UNC5D: variants seen among roughly 807,000 people sequenced by gnomAD.
UNC5D encodes the protein netrin receptor UNC5D.
UNC5D carries 39 observed loss-of-function variants against 105.4 expected under a neutral mutation model. The observed-to-expected ratio is 0.37, with a 90% confidence interval of 0.29 to 0.48. The LOEUF is 0.48. Ranked by LOEUF, UNC5D falls within the 20% of genes least tolerant of loss-of-function variation. The pLI is 0.98. For missense variants in UNC5D, 991 were observed against 1,202.4 expected (o/e 0.82, Z 2.60); for synonymous variants, 452 against 450.4 (o/e 1.00, Z -0.04).
At position 35,754,002 on chromosome 8, in the gene UNC5D, A is replaced by G. The variant is rs190018664; in HGVS notation, c.2163+3193A>G. 3.9e-5 allele frequency among the ~76,000 whole-genome samples: 6 copies of G among 152,352 alleles called. No individual in the cohort carries two copies. The East Asian group carries it at 1.2e-3, about 29-fold the overall frequency. On this transcript the variant is annotated intron_variant, in intron 13 of 16. Coordinates refer to ENST00000404895, the MANE Select transcript of UNC5D (RefSeq NM_080872.4). ...AGAGATTTATTTTGATCACCTGCAT[A>G]TCCCAAATCATTTCATAGTGTGATA...
intron 2 of UNC5D, among the ~76,000 whole-genome samples, chr8:35,554,130 T>C (rs1268752596): frequency 2.0e-5 from 3 of 152,204 alleles, no homozygotes; most frequent in East Asian, 3.8e-4. Flanking sequence ...ACAGAATCTT[T>C]CGTGTTCCTA....
At chr8:35,636,713 T>G (rs1822396419) in intron 4 of UNC5D, among the ~76,000 whole-genome samples, 2 of 152,190 alleles carry the variant, frequency 1.3e-5, no homozygotes. Context: ...TCATCAGGCC[T>G]CCAGAGGCAT....
chr8:35,383,933 G>A (rs1015391129), intron 1 of UNC5D, among the ~76,000 whole-genome samples: 1 of 151,594 alleles, frequency 6.6e-6, no homozygotes, highest in Non-Finnish European at 1.5e-5. Context: ...ATAAAAATAA[G>A]AGGCTGGGCG....
intron 1 of UNC5D, among the ~76,000 whole-genome samples, chr8:35,299,990 C>T (rs949592069): frequency 2.6e-5 from 4 of 152,008 alleles, no homozygotes; most frequent in African/African-American, 4.8e-5. Flanking sequence ...TAAGCATGCA[C>T]CTGCTAATTT....
chr8:35,670,045 C>T (rs946645071), intron 4 of UNC5D, among the ~76,000 whole-genome samples: 2 of 151,962 alleles, frequency 1.3e-5, no homozygotes, highest in Non-Finnish European at 2.9e-5. Flanking sequence ...AGGGCCTAAA[C>T]CTGAGACTTG....
chr8:35,580,930 G>T (rs921780690), intron 3 of UNC5D, among the ~76,000 whole-genome samples: 2 of 152,054 alleles, frequency 1.3e-5, no homozygotes, highest in African/African-American at 4.8e-5. Context: ...AGAGGGAATA[G>T]GAGTTACAGA....
In UNC5D at chr8:35,790,633, C is replaced by T. The variant is rs1802997100; in HGVS notation, c.*70C>T. The T allele has an allele frequency of 6.4e-7, 1 of 1,555,314 alleles. No homozygotes were observed. Among genetic ancestry groups the T allele is most frequent in the Admixed American group, 1.7e-5 (1 of 57,280 alleles). ...TTTGCTTTAAATGGGAAAGAGGCCG[C>T]TTTCTGCCCAGTGGCGTTGGGGGAA... is the stretch of plus-strand genomic sequence containing the variant. On this transcript the variant is annotated 3_prime_UTR_variant, in exon 17 of 17. Transcript: ENST00000404895.
At chr8:35,721,522 AATT>A (rs948310233) in intron 8 of UNC5D, 1 of 702,714 alleles carries the variant, frequency 1.4e-6, no homozygotes, top group African/African-American at 1.7e-5. Flanking sequence ...TTCCACAATA[AATT>A]ATTAGAGTCT....
chr8:35,775,510 T>C (rs1802205007), intron 16 of UNC5D, among the ~76,000 whole-genome samples: 1 of 143,884 alleles, frequency 7.0e-6, no homozygotes, highest in African/African-American at 3.0e-5. Context: ...AAATGACATC[T>C]CCTCTCCCTG....
intron 14 of UNC5D, among the ~76,000 whole-genome samples, chr8:35,760,393 T>C (rs544208445): frequency 6.6e-6 from 1 of 152,068 alleles, no homozygotes; most frequent in African/African-American, 2.4e-5. Flanking sequence ...AGATACTTAT[T>C]ATTGTCCACA....
At chr8:35,459,135 G>T (rs761747693) in intron 1 of UNC5D, among the ~76,000 whole-genome samples, 1 of 152,004 alleles carries the variant, frequency 6.6e-6, no homozygotes, top group Non-Finnish European at 1.5e-5. Context: ...GCTCTTTTGT[G>T]GTATGAGGGG....
chr8:35,548,526 G>A (rs1422160109), intron 1 of UNC5D, among the ~76,000 whole-genome samples: 3 of 152,216 alleles, frequency 2.0e-5, no homozygotes, highest in East Asian at 1.9e-4. Flanking sequence ...TTTCCCTCCT[G>A]CACTTCCCTT....
At chr8:35,523,578 CTTTT>C (rs33917742) in intron 1 of UNC5D, among the ~76,000 whole-genome samples, 9 of 97,544 alleles carry the variant, frequency 9.2e-5, no homozygotes, top group African/African-American at 2.2e-4. Context: ...GTAATGTGCT[CTTTT>C]TTTTTTTTTT....
intron 1 of UNC5D, among the ~76,000 whole-genome samples, chr8:35,363,415 A>T (rs985119342): frequency 1.3e-5 from 2 of 152,136 alleles, no homozygotes; most frequent in Non-Finnish European, 2.9e-5. Context: ...ATTATTTCCC[A>T]CTGGGTCCCT....
chr8:35,248,970 T>A (rs1459441317), intron 1 of UNC5D, among the ~76,000 whole-genome samples: 3 of 88,654 alleles, frequency 3.4e-5, no homozygotes, highest in Non-Finnish European at 5.9e-5. Context: ...TAATATATAT[T>A]ATATATTTTT....
chr8:35,734,513 C>T (rs986732624), intron 11 of UNC5D, among the ~76,000 whole-genome samples: 1 of 151,854 alleles, frequency 6.6e-6, no homozygotes, highest in Non-Finnish European at 1.5e-5. Flanking sequence ...TGGGTTCAAG[C>T]GATTCTCCTG....
intron 1 of UNC5D, among the ~76,000 whole-genome samples, chr8:35,352,546 T>C (rs1381656468): frequency 1.3e-5 from 2 of 152,182 alleles, no homozygotes; most frequent in Admixed American, 1.3e-4. Context: ...AAATTATTCA[T>C]TAATAAGGTC....
At chr8:35,784,701 T>C (rs1443865007) in intron 16 of UNC5D, among the ~76,000 whole-genome samples, 2 of 152,032 alleles carry the variant, frequency 1.3e-5, no homozygotes, top group African/African-American at 4.8e-5. Flanking sequence ...TCAGCCGAGA[T>C]CATACTACTG....
At chr8:35,725,411 A>C (rs968957651) in intron 9 of UNC5D, among the ~76,000 whole-genome samples, 1 of 152,182 alleles carries the variant, frequency 6.6e-6, no homozygotes, top group Non-Finnish European at 1.5e-5. Flanking sequence ...ATGTTTTTGC[A>C]AAGATATTAT....
Sources: gnomAD v4.1 joint callset for allele counts (sites outside exome capture counted in the v4.1 genomes callset) on GRCh38, gnomAD v4.1.1 for gene constraint, MANE v1.5 for transcripts, NCBI Gene and HGNC (gene_info 2026-07-23, HGNC 2026-07-21) for gene names.